The following ZC3H12A variants were observed in gnomAD, a reference collection of about 807,000 sequenced individuals.
ZC3H12A encodes the protein zinc finger CCCH-type containing 12A, also known as endoribonuclease ZC3H12A.
ZC3H12A carries 9 observed loss-of-function variants against 29.9 expected under a neutral mutation model. That is an observed-to-expected ratio of 0.30 (90% CI 0.18 to 0.53). The LOEUF (loss-of-function observed/expected upper bound fraction) is 0.53, where lower values mean the gene tolerates loss of function less well. Among genes scored for constraint, ZC3H12A ranks in the 20% least tolerant of loss-of-function variants. The pLI, the probability that ZC3H12A is intolerant of heterozygous loss-of-function variation, is 0.96. For missense variants in ZC3H12A, 617 were observed against 799.0 expected, an observed-to-expected ratio of 0.77 and a Z score of 2.75; for synonymous variants, 323 against 338.1, an observed-to-expected ratio of 0.96 and a Z score of 0.49.
rs1342717187 is a variant in ZC3H12A, at chr1:37,476,898, T to G, written c.443+959T>G. On this transcript the variant is annotated intron_variant, in intron 2 of 5. Coordinates refer to ENST00000373087, the MANE Select transcript of ZC3H12A (RefSeq NM_025079.3). The surrounding 1 kb of genome is among the most constrained non-coding windows in gnomAD (Gnocchi z 6.0). The stretch of plus-strand genomic sequence containing the variant: ...ACAGGGTTGAGAAGGGATGATTTTC[T>G]GGCTGCCCTGAGGGAGCTCCTAGGT... 2.0e-5 allele frequency among the ~76,000 whole-genome samples: 3 copies of G among 152,230 alleles called. No individual in the cohort carries two copies. The highest frequency in any genetic ancestry group is 4.8e-5 in the African/African-American group (2 of 41,460).
At chr1:37,481,470 G>A in intron 3 of ZC3H12A, 131 bp from the exon 4 acceptor site, 1 of 805,470 alleles carries the variant, frequency 1.2e-6, no homozygotes, top group African/African-American at 1.8e-5. Flanking sequence ...GGCCTCAGCA[G>A]AGTTAGTTCT....
Position 37,481,612 on chromosome 1 carries a change from C to T in ZC3H12A, c.595C>T (p.Leu199=), listed in dbSNP as rs776791133. 6.2e-7 allele frequency: 1 copy of T among 1,614,190 alleles called. No individual in the cohort carries two copies. The highest frequency in any genetic ancestry group is 8.5e-7 in the Non-Finnish European group (1 of 1,180,028). The part of the protein sequence containing the change: ...PDVPITDQHI[L]RELEKKKILV... ...CCGTCACCTCCCAGACCAGCACATC[C>T]TGCGGGAACTGGAGAAGAAGAAGAT... Residue 199 remains leucine (L), a synonymous_variant, in exon 4 of 6, where the codon CTG becomes TTG. Coordinates refer to ENST00000373087, the MANE Select transcript of ZC3H12A (RefSeq NM_025079.3).
Position 37,476,279 on chromosome 1 carries a change from G to T in ZC3H12A, c.443+340G>T, listed in dbSNP as rs891886690. Among the ~76,000 whole-genome samples the T allele has an allele frequency of 6.6e-6, 1 of 152,208 alleles. No individual in the cohort carries two copies. Among genetic ancestry groups the T allele is most frequent in the Non-Finnish European group, 1.5e-5 (1 of 68,034 alleles). ...GTGGGCAGCTGCTCACTCACCCCTC[G>T]GAACCTGATCTCAGGTGGGTGTTGT... On this transcript the variant is annotated intron_variant, in intron 2 of 5. Transcript: ENST00000373087. This position sits in a 1 kb window ranked among gnomAD's most constrained non-coding sequence, Gnocchi z 6.0.
rs966922590 is a variant in ZC3H12A at position 37,475,127 on chromosome 1, C to T, written c.-38-332C>T. Among the ~76,000 whole-genome samples the T allele has an allele frequency of 2.6e-5, 4 of 152,222 alleles. No individual in the cohort carries two copies. Among genetic ancestry groups the T allele is most frequent in the South Asian group, 2.1e-4 (1 of 4,838 alleles). The stretch of plus-strand genomic sequence containing the variant: ...CCAGGATTCCATCTGAGAGCCCCGT[C>T]CCTGCCTTCTGGGTCCCCTGGGTTG... On this transcript the variant is annotated intron_variant, in intron 1 of 5. Coordinates refer to ENST00000373087, the MANE Select transcript of ZC3H12A (RefSeq NM_025079.3). This position sits in a 1 kb window ranked among gnomAD's most constrained non-coding sequence, Gnocchi z 5.2.
At chr1:37,480,474 G>A in intron 3 of ZC3H12A, 45 bp downstream of exon 3, 1 of 1,589,208 alleles carries the variant, frequency 6.3e-7, no homozygotes, top group South Asian at 1.1e-5. Flanking sequence ...TGCCCCAGCA[G>A]CCCTGGTTCT....
chr1:37,483,101 C>T lies in ZC3H12A; in HGVS notation c.1290C>T (p.Tyr430=), dbSNP rs371055767. The change falls in exon 6 of 6, where the codon TAC becomes TAT. Residue 430 remains tyrosine (Y), a synonymous_variant. Coordinates refer to ENST00000373087, the MANE Select transcript of ZC3H12A (RefSeq NM_025079.3). The part of the protein sequence containing the change: ...WLPQTLDSLP[Y]VSQDCLDSGI... ...CACAGACGCTGGACTCACTCCCGTACGTCTCCCAGGATTGCCTGGACTCGG... is the reference window on the plus strand; with the variant it reads ...CACAGACGCTGGACTCACTCCCGTATGTCTCCCAGGATTGCCTGGACTCGG... 41 of 1,612,940 alleles carry T rather than the reference C, an allele frequency of 2.5e-5. No homozygotes were observed. Among genetic ancestry groups the T allele is most frequent in the Admixed American group, 8.3e-5 (5 of 59,934 alleles).
chr1:37,482,648 C>G (rs1641733949), intron 5 of ZC3H12A, 89 bp from the exon 6 acceptor site: 1 of 1,610,056 alleles, frequency 6.2e-7, no homozygotes. Flanking sequence ...TTGGACCACC[C>G]AACCCCGTTT....
intron 4 of ZC3H12A, 150 bp downstream of exon 4, chr1:37,481,985 G>C: frequency 2.7e-6 from 2 of 730,508 alleles, no homozygotes; most frequent in Middle Eastern, 7.6e-4. Context: ...CTTTGAGAGT[G>C]AGACGGATAG....
In ZC3H12A at chr1:37,475,673, C is replaced by T. The variant is rs556019941; in HGVS notation, c.177C>T (p.Gly59=). 6.2e-7 allele frequency: 1 copy of T among 1,614,148 alleles called. No individual in the cohort carries two copies. ...AGGTGGACTTCTTCCGGAAGCTGGG[C>T]TATTCATCCACGGAGATCCACAGCG... ...QMKVDFFRKL[G]YSSTEIHSVL... is the part of the protein sequence containing the mutation. Residue 59 remains glycine (G), a synonymous_variant, in exon 2 of 6, where the codon GGC becomes GGT. Transcript: ENST00000373087. The surrounding 1 kb of genome is among the most constrained non-coding windows in gnomAD (Gnocchi z 5.2).
intron 4 of ZC3H12A, 85 bp downstream of exon 4, chr1:37,481,920 T>TGGGCTCTGCGGGGCCC: frequency 7.0e-7 from 1 of 1,427,924 alleles, no homozygotes; most frequent in South Asian, 1.2e-5. Flanking sequence ...AGCTGGGGGC[T>TGGGCTCTGCGGGGCCC]GGGCTCTGCG....
At chr1:37,481,989 C>T (rs1272949205) in intron 4 of ZC3H12A, among the ~76,000 whole-genome samples, 154 bp downstream of exon 4, 1 of 152,158 alleles carries the variant, frequency 6.6e-6, no homozygotes, top group Non-Finnish European at 1.5e-5. Flanking sequence ...GAGAGTGAGA[C>T]GGATAGCTCA....
chr1:37,475,393 T>TCGCC lies in ZC3H12A; in HGVS notation c.-38-66_-38-65insCGCC. Reference sequence around the variant, plus strand: ...GCCACCAATCCCTCATCCTGCTGGATGTGGTTTTGGGAGGGAGGTTAGGAG... The same window carrying TCGCC: ...GCCACCAATCCCTCATCCTGCTGGATCGCCGTGGTTTTGGGAGGGAGGTTAGGAG... On this transcript the variant is annotated intron_variant, in intron 1 of 5. Transcript: ENST00000373087. This position sits in a 1 kb window ranked among gnomAD's most constrained non-coding sequence, Gnocchi z 5.2. 2 of 1,215,204 alleles carry TCGCC rather than the reference T, an allele frequency of 1.6e-6. No individual in the cohort carries two copies. The highest frequency in any genetic ancestry group is 2.3e-5 in the Admixed American group (1 of 44,050). 75.3% of individuals were successfully genotyped at this position (1,215,204 alleles called of 1,614,324 possible). A position where few individuals can be genotyped will look rare whatever the true frequency, so the allele number is the denominator to read the frequency against.
In ZC3H12A at chr1:37,478,524, A is replaced by T. The variant is rs546532353; in HGVS notation, c.444-1766A>T. 1.3e-5 allele frequency among the ~76,000 whole-genome samples: 2 copies of T among 152,116 alleles called. No homozygotes were observed. Among genetic ancestry groups the T allele is most frequent in the Non-Finnish European group, 2.9e-5 (2 of 68,018 alleles). On this transcript the variant is annotated intron_variant, in intron 2 of 5. Coordinates refer to ENST00000373087, the MANE Select transcript of ZC3H12A (RefSeq NM_025079.3). The surrounding 1 kb of genome is among the most constrained non-coding windows in gnomAD (Gnocchi z 5.2). ...GCAAGCCCTATAAGAATGAAGCCATATATCTGGCCACCAGCGGGAGCTCAG... is the reference window on the plus strand; with the variant it reads ...GCAAGCCCTATAAGAATGAAGCCATTTATCTGGCCACCAGCGGGAGCTCAG...
intron 3 of ZC3H12A, 61 bp downstream of exon 3, chr1:37,480,490 A>G (rs1048019196): frequency 1.3e-6 from 2 of 1,568,378 alleles, no homozygotes; most frequent in African/African-American, 1.4e-5. Flanking sequence ...GTTCTCCCCA[A>G]GAGAGACCCT....
chr1:37,482,444 C>A lies in ZC3H12A; in HGVS notation c.829C>A (p.Pro277Thr), dbSNP rs2148047149. The A allele has an allele frequency of 6.2e-7, 1 of 1,613,320 alleles. No individual in the cohort carries two copies. The highest frequency in any genetic ancestry group is 8.5e-7 in the Non-Finnish European group (1 of 1,179,458). Residue 277 changes from proline to threonine, a missense_variant, in exon 5 of 6, where the codon CCT (proline) becomes ACT (threonine). Transcript: ENST00000373087. Reference sequence around the variant, plus strand: ...TTGCACCCTCTGCAGGTTTATGCCCCCTGATGACCCACTGGGCCGGCACGG... The same window carrying A: ...TTGCACCCTCTGCAGGTTTATGCCCACTGATGACCCACTGGGCCGGCACGG... ...YSFVNDKFMP[P>T]DDPLGRHGPS... is the part of the protein sequence containing the mutation.
rs1641563044 is a variant in ZC3H12A, at chr1:37,475,440, A to C, written c.-38-19A>C. 6.5e-7 allele frequency: 1 copy of C among 1,537,478 alleles called. No homozygotes were observed. Among genetic ancestry groups the C allele is most frequent in the African/African-American group, 1.4e-5 (1 of 72,916 alleles). On this transcript the variant is annotated intron_variant, in intron 1 of 5. Coordinates refer to ENST00000373087, the MANE Select transcript of ZC3H12A (RefSeq NM_025079.3). This position sits in a 1 kb window ranked among gnomAD's most constrained non-coding sequence, Gnocchi z 5.2. The stretch of plus-strand genomic sequence containing the variant: ...GGAGAGAGCGCTATTCACCGTCCCT[A>C]ACCCTGTTGGTTGTTCAGTAGGAGC...
In ZC3H12A at chr1:37,480,431, T is replaced by C; in HGVS notation, c.583+2T>C. The C allele has an allele frequency of 6.2e-7, 1 of 1,610,958 alleles. No homozygotes were observed. Among genetic ancestry groups the C allele is most frequent in the Non-Finnish European group, 8.5e-7 (1 of 1,178,048 alleles). ...CTCGGCCCGACGTGCCCATCACAGG[T>C]GAGTGGTGCCTCTGGAGGTGGGATG... is the stretch of plus-strand genomic sequence containing the variant. On this transcript the variant is annotated splice_donor_variant, in intron 3 of 5. Transcript: ENST00000373087. LOFTEE classifies it high-confidence loss of function.
Position 37,476,278 on chromosome 1 carries a change from C to T in ZC3H12A, c.443+339C>T, listed in dbSNP as rs749596335. ...CGTGGGCAGCTGCTCACTCACCCCTCGGAACCTGATCTCAGGTGGGTGTTG... is the reference window on the plus strand; with the variant it reads ...CGTGGGCAGCTGCTCACTCACCCCTTGGAACCTGATCTCAGGTGGGTGTTG... On this transcript the variant is annotated intron_variant, in intron 2 of 5. Coordinates refer to ENST00000373087, the MANE Select transcript of ZC3H12A (RefSeq NM_025079.3). The surrounding 1 kb of genome is among the most constrained non-coding windows in gnomAD (Gnocchi z 6.0). Among the ~76,000 whole-genome samples, 3 of 152,166 alleles carry T rather than the reference C, an allele frequency of 2.0e-5. No homozygotes were observed. Among genetic ancestry groups the T allele is most frequent in the Admixed American group, 2.0e-4 (3 of 15,280 alleles).
Position 37,475,549 on chromosome 1 carries a change from G to A in ZC3H12A, c.53G>A (p.Ser18Asn), listed in dbSNP as rs1641566746. Residue 18 changes from serine to asparagine, a missense_variant, in exon 2 of 6, where the codon AGT (serine) becomes AAT (asparagine). Physicochemically the swap from Ser to Asn is conservative, Grantham distance 46 (BLOSUM62 1). This residue lies in a region of ZC3H12A where 67 missense variants were observed against 56.2 expected (regional missense o/e 1.19). Transcript: ENST00000373087. The surrounding 1 kb of genome is among the most constrained non-coding windows in gnomAD (Gnocchi z 5.2). ...KPVLEASPTM[S>N]LWEFEDSHSR... is the part of the protein sequence containing the mutation. Reference sequence around the variant, plus strand: ...GTCCTGGAAGCCAGCCCCACCATGAGTCTGTGGGAATTTGAGGACAGCCAC... The same window carrying A: ...GTCCTGGAAGCCAGCCCCACCATGAATCTGTGGGAATTTGAGGACAGCCAC... The A allele has an allele frequency of 1.2e-6, 2 of 1,613,596 alleles. No individual in the cohort carries two copies. Among genetic ancestry groups the A allele is most frequent in the Admixed American group, 1.7e-5 (1 of 60,006 alleles).
Sources: gnomAD v4.1 joint callset for allele counts (sites outside exome capture counted in the v4.1 genomes callset) on GRCh38, gnomAD v4.1.1 for gene constraint, gnomAD v4.1.1 regional missense constraint, Gnocchi (gnomAD v3.1) non-coding constraint, MANE v1.5 for transcripts, NCBI Gene and HGNC (gene_info 2026-07-23, HGNC 2026-07-21) for gene names.